GNAZ: variants seen among roughly 807,000 people sequenced by gnomAD.
GNAZ encodes guanine nucleotide-binding protein G(z) subunit alpha.
GNAZ carries 3 observed loss-of-function variants against 25.4 expected under a neutral mutation model. The ratio of observed to expected loss-of-function variants is 0.12; its 90% CI spans 0.05 to 0.30. The LOEUF (loss-of-function observed/expected upper bound fraction) is 0.30. Among genes scored for constraint, GNAZ ranks in the 10% least tolerant of loss-of-function variants. The probability of loss-of-function intolerance (pLI) is 1.00; values close to 1 mark genes in which losing one functional copy is unlikely to be tolerated. For synonymous variants in GNAZ, 211 were observed against 205.7 expected (o/e 1.03, Z -0.22); for missense variants, 241 against 501.8 (o/e 0.48, Z 4.97).
intron 1 of GNAZ, among the ~76,000 whole-genome samples, chr22:23,094,461 C>T (rs1423592792): frequency 6.6e-6 from 1 of 152,176 alleles, no homozygotes; most frequent in Admixed American, 6.5e-5. Flanking sequence ...CCTGCCTTGC[C>T]CTGGCCTCGG....
intron 2 of GNAZ, among the ~76,000 whole-genome samples, chr22:23,105,777 G>GC (rs1232238018): frequency 2.6e-5 from 4 of 152,242 alleles, no homozygotes; most frequent in Admixed American, 2.6e-4. Context: ...CTGGTGGGGA[G>GC]CAGGGGTGCA....
At chr22:23,102,119 G>T (rs761684401) in intron 2 of GNAZ, among the ~76,000 whole-genome samples, 37 of 152,208 alleles carry the variant, frequency 2.4e-4, no homozygotes, top group Non-Finnish European at 5.0e-4. Flanking sequence ...CCGGCTCCCC[G>T]CATCCAAGTT....
At chr22:23,082,533 T>C (rs1056155229) in intron 1 of GNAZ, among the ~76,000 whole-genome samples, 9 of 152,044 alleles carry the variant, frequency 5.9e-5, no homozygotes, top group Non-Finnish European at 1.2e-4. Flanking sequence ...TGTGTTTTTT[T>C]GTTTATTTTT....
At chr22:23,077,589 C>T (rs1157895051) in intron 1 of GNAZ, among the ~76,000 whole-genome samples, 1 of 152,086 alleles carries the variant, frequency 6.6e-6, no homozygotes, top group Non-Finnish European at 1.5e-5. Context: ...CCAGGTGTTG[C>T]AGGAGTGGGG....
chr22:23,079,223 G>A (rs772738516), intron 1 of GNAZ, among the ~76,000 whole-genome samples: 3 of 152,250 alleles, frequency 2.0e-5, no homozygotes, highest in South Asian at 2.1e-4. Flanking sequence ...GGCAGCACAC[G>A]TGGTGTGGCT....
chr22:23,100,766 A>G (rs1004119778), intron 2 of GNAZ, among the ~76,000 whole-genome samples: 3 of 152,216 alleles, frequency 2.0e-5, no homozygotes, highest in African/African-American at 4.8e-5. Context: ...CTGGAGCTCC[A>G]GAGCCCTGGC....
chr22:23,105,641 G>A (rs2069446800), intron 2 of GNAZ, among the ~76,000 whole-genome samples: 1 of 152,236 alleles, frequency 6.6e-6, no homozygotes, highest in African/African-American at 2.4e-5. Context: ...TTCTCACACT[G>A]TGCTTTCTTC....
rs563472205 is a variant in GNAZ, at chr22:23,091,665, C to T, written c.-449-3582C>T. On this transcript the variant is annotated intron_variant, in intron 1 of 2. Transcript: ENST00000615612. ...ACACTGGCACCTATGCATACATGCA[C>T]ACACACCACAGTGGACCTGCATACA... Among the ~76,000 whole-genome samples the T allele has an allele frequency of 2.6e-5, 4 of 152,216 alleles. No homozygotes were observed. In the East Asian group the frequency reaches 7.7e-4, roughly 29 times the overall value.
Position 23,095,440 on chromosome 22 carries a change from G to C in GNAZ, c.-256G>C. ...GACAGGGAATGACTACGGCAAATCA[G>C]GCCACTTTGCCAACTAGGGAGGTGG... On this transcript the variant is annotated 5_prime_UTR_variant, in exon 2 of 3. Coordinates refer to ENST00000615612, the MANE Select transcript of GNAZ (RefSeq NM_002073.4). The C allele has an allele frequency of 1.9e-6, 1 of 513,224 alleles. No homozygotes were observed. The allele number at this position is 513,224 out of a possible 1,614,324, so 31.8% of individuals were successfully genotyped here. A position where few individuals can be genotyped will look rare whatever the true frequency, so the allele number is the denominator to read the frequency against.
Position 23,078,817 on chromosome 22 carries a change from C to T in GNAZ, c.-450+8247C>T, listed in dbSNP as rs1470818269. On this transcript the variant is annotated intron_variant, in intron 1 of 2. Coordinates refer to ENST00000615612, the MANE Select transcript of GNAZ (RefSeq NM_002073.4). ...CAGGGGTAGCAACAGAAGCCCAGCC[C>T]CAAAGGGCTTACAAGATGAGGGGAC... Among the ~76,000 whole-genome samples the T allele has an allele frequency of 2.6e-5, 4 of 152,302 alleles. No individual in the cohort carries two copies. The East Asian group carries it at 5.8e-4, about 22-fold the overall frequency.
In GNAZ at chr22:23,123,632, C is replaced by T. The variant is rs960134482; in HGVS notation, c.*201C>T. ...AGATTGCTAGGTAGATAGACACACACACATGCACACACACACATCTGGAGA... is the reference window on the plus strand; with the variant it reads ...AGATTGCTAGGTAGATAGACACACATACATGCACACACACACATCTGGAGA... On this transcript the variant is annotated 3_prime_UTR_variant, in exon 3 of 3. Coordinates refer to ENST00000615612, the MANE Select transcript of GNAZ (RefSeq NM_002073.4). 14 of 590,606 alleles carry T rather than the reference C, an allele frequency of 2.4e-5. No homozygotes were observed. Among genetic ancestry groups the T allele is most frequent in the Non-Finnish European group, 4.2e-5 (14 of 331,424 alleles). The allele number at this position is 590,606 out of a possible 1,614,324, so 36.6% of individuals were successfully genotyped here.
intron 1 of GNAZ, among the ~76,000 whole-genome samples, chr22:23,090,640 C>A (rs1472500225): frequency 6.6e-6 from 1 of 152,152 alleles, no homozygotes; most frequent in East Asian, 1.9e-4. Context: ...GCCGGTGGTT[C>A]CCTCATCCCT....
At chr22:23,098,451 G>T (rs2069189837) in intron 2 of GNAZ, among the ~76,000 whole-genome samples, 11 of 152,174 alleles carry the variant, frequency 7.2e-5, no homozygotes, top group Admixed American at 6.5e-4. Context: ...TCCCAGGCCT[G>T]TCCCTGGGGA....
intron 1 of GNAZ, among the ~76,000 whole-genome samples, chr22:23,072,753 C>CA (rs1441596087): frequency 6.6e-6 from 1 of 152,220 alleles, no homozygotes; most frequent in Admixed American, 6.5e-5. Flanking sequence ...GGGTTTGGGA[C>CA]ACAGGGAATG....
intron 1 of GNAZ, among the ~76,000 whole-genome samples, chr22:23,074,300 G>A (rs1411940888): frequency 6.6e-6 from 1 of 152,222 alleles, no homozygotes; most frequent in Non-Finnish European, 1.5e-5. Context: ...CAGAGAGGCT[G>A]CTGACCCAGG....
rs1391905942 is a variant in GNAZ, at chr22:23,124,962, G to C, written c.*1531G>C. 6.6e-6 allele frequency: 1 copy of C among 152,400 alleles called. No homozygotes were observed. Among genetic ancestry groups the C allele is most frequent in the Non-Finnish European group, 1.5e-5 (1 of 68,168 alleles). 9.4% of individuals were successfully genotyped at this position (152,400 alleles called of 1,614,324 possible). On this transcript the variant is annotated 3_prime_UTR_variant, in exon 3 of 3. Transcript: ENST00000615612. ...CAAGGACGTGAAGAGATGTACGGGG[G>C]AAAGAGAAGCTGGGGATTGGATGAA...
At chr22:23,108,771 C>G (rs538052327) in intron 2 of GNAZ, among the ~76,000 whole-genome samples, 1 of 152,384 alleles carries the variant, frequency 6.6e-6, no homozygotes, top group South Asian at 2.1e-4. Context: ...TCCACCTGCT[C>G]TCTGGCTGGC....
At chr22:23,102,025 G>A (rs1350801972) in intron 2 of GNAZ, among the ~76,000 whole-genome samples, 1 of 152,238 alleles carries the variant, frequency 6.6e-6, no homozygotes, top group Non-Finnish European at 1.5e-5. Context: ...CCTCAAGAGG[G>A]CTGGGCACAC....
At position 23,123,137 on chromosome 22, in the gene GNAZ, C is replaced by T. The variant is rs780128868; in HGVS notation, c.774C>T (p.Asn258=). The T allele has an allele frequency of 1.6e-5, 26 of 1,613,976 alleles. No individual in the cohort carries two copies. The highest frequency in any genetic ancestry group is 2.2e-5 in the Non-Finnish European group (26 of 1,179,930). Residue 258 remains asparagine, a synonymous_variant, in exon 3 of 3, where the codon AAC becomes AAT. Transcript: ENST00000615612. ...TCTTTGACTCCATCTGCAACAACAA[C>T]TGGTTCATCAACACCTCACTCATCC... ...LRLFDSICNN[N]WFINTSLILF... is the part of the protein sequence containing the mutation.
Sources: allele counts gnomAD v4.1 joint callset (sites outside exome capture counted in the v4.1 genomes callset), GRCh38; gene constraint gnomAD v4.1.1; transcripts MANE v1.5; gene names NCBI Gene and HGNC (gene_info 2026-07-23, HGNC 2026-07-21).